The following DTNB variants were observed in gnomAD, a reference collection of about 807,000 sequenced individuals.
DTNB encodes dystrobrevin beta.
In DTNB, 63 loss-of-function variants were observed where a neutral mutation model predicts 90.7. That is an observed-to-expected ratio of 0.69 (90% CI 0.57 to 0.86). The LOEUF (loss-of-function observed/expected upper bound fraction) is 0.86, where lower values mean the gene tolerates loss of function less well. DTNB is among the 40% of genes least tolerant of loss of function. DTNB has a pLI of 0.00. For missense variants in DTNB, 744 were observed against 807.1 expected (o/e 0.92, Z 0.95); for synonymous variants, 277 against 286.7 (o/e 0.97, Z 0.34).
intron 8 of DTNB, among the ~76,000 whole-genome samples, chr2:25,544,951 A>G (rs558322083): frequency 6.6e-6 from 1 of 152,268 alleles, no homozygotes; most frequent in African/African-American, 2.4e-5. Context: ...TTTGAAAAAT[A>G]CCTTTATTTC....
chr2:25,481,830 T>C (rs1433448586), intron 10 of DTNB: 2 of 152,226 alleles, frequency 1.3e-5, no homozygotes, highest in Non-Finnish European at 2.9e-5. Flanking sequence ...GTCCCAGAAA[T>C]CTGTTTTCAA....
At chr2:25,550,348 G>A (rs928381127) in intron 8 of DTNB, among the ~76,000 whole-genome samples, 18 of 152,040 alleles carry the variant, frequency 1.2e-4, no homozygotes, top group Admixed American at 7.9e-4. Flanking sequence ...CCGAGATCGC[G>A]CCACTGCACT....
At chr2:25,468,145 G>A (rs2062131016) in intron 10 of DTNB, among the ~76,000 whole-genome samples, 2 of 152,142 alleles carry the variant, frequency 1.3e-5, no homozygotes, top group South Asian at 4.1e-4. Flanking sequence ...ACAACCATAA[G>A]TCTGTTTTGA....
At chr2:25,671,411 A>T (rs937254189) in intron 1 of DTNB, among the ~76,000 whole-genome samples, 3 of 152,236 alleles carry the variant, frequency 2.0e-5, no homozygotes, top group Non-Finnish European at 4.4e-5. Flanking sequence ...GAGAGCCTGG[A>T]ATAAGGCACC....
rs770445857 is a variant in DTNB, at chr2:25,424,823, G to A, written c.1554+2712C>T. 6.6e-6 allele frequency among the ~76,000 whole-genome samples: 1 copy of A among 151,926 alleles called. No homozygotes were observed. Among genetic ancestry groups the A allele is most frequent in the Non-Finnish European group, 1.5e-5 (1 of 67,960 alleles). On this transcript the variant is annotated intron_variant, in intron 15 of 20. Transcript: ENST00000406818. The surrounding 1 kb of genome is among the most constrained non-coding windows in gnomAD (Gnocchi z 4.1). ...GCTGGGATTATAGGCACGTGCCACC[G>A]TGCCCGGCTAATTTTTGTGTTTTTA...
At chr2:25,535,579 C>T (rs192184833) in intron 8 of DTNB, among the ~76,000 whole-genome samples, 5 of 123,812 alleles carry the variant, frequency 4.0e-5, no homozygotes, top group Non-Finnish European at 6.7e-5. Flanking sequence ...TGGGCGGCCA[C>T]GCAGAGATGC....
chr2:25,568,487 C>A (rs1023445789), intron 8 of DTNB, among the ~76,000 whole-genome samples: 47 of 151,710 alleles, frequency 3.1e-4, no homozygotes, highest in African/African-American at 1.0e-3. Flanking sequence ...TAAAAAAAAA[C>A]ACACACAATT....
chr2:25,437,505 G>C (rs1199106950), intron 12 of DTNB, among the ~76,000 whole-genome samples: 1 of 152,074 alleles, frequency 6.6e-6, no homozygotes, highest in African/African-American at 2.4e-5. Context: ...CAAGTGATCT[G>C]CTCACCTCGG....
At chr2:25,504,249 C>T (rs2071641385) in intron 9 of DTNB, among the ~76,000 whole-genome samples, 1 of 147,390 alleles carries the variant, frequency 6.8e-6, no homozygotes, top group Non-Finnish European at 1.5e-5. Flanking sequence ...GCCTGGGTGA[C>T]AGAGAGAAAG....
Position 25,481,173 on chromosome 2 carries a change from G to A in DTNB, c.1079+1623C>T, listed in dbSNP as rs193102296. 7.5e-4 allele frequency among the ~76,000 whole-genome samples: 114 copies of A among 152,054 alleles called. 1 individual carries two copies. The East Asian group carries it at 0.017, about 23-fold the overall frequency. Reference sequence around the variant, plus strand: ...AGCACTTTGGGAGTCTGAGGCAGTTGGATCACTTGAGATCAGGAGTTTGAG... The same window carrying A: ...AGCACTTTGGGAGTCTGAGGCAGTTAGATCACTTGAGATCAGGAGTTTGAG... On this transcript the variant is annotated intron_variant, in intron 10 of 20. Coordinates refer to ENST00000406818, the MANE Select transcript of DTNB (RefSeq NM_021907.5).
chr2:25,653,785 T>C (rs1468783170), intron 1 of DTNB, among the ~76,000 whole-genome samples: 3 of 152,136 alleles, frequency 2.0e-5, no homozygotes, highest in Non-Finnish European at 2.9e-5. Flanking sequence ...GTGCTGAGAT[T>C]ACAGGCATGA....
intron 18 of DTNB, among the ~76,000 whole-genome samples, chr2:25,384,706 G>T (rs2038967355): frequency 6.6e-6 from 1 of 152,160 alleles, no homozygotes; most frequent in Non-Finnish European, 1.5e-5. Flanking sequence ...AGCTTGAGAG[G>T]ACAGGGATAA....
At chr2:25,578,091 C>T (rs1160407417) in intron 7 of DTNB, among the ~76,000 whole-genome samples, 3 of 152,082 alleles carry the variant, frequency 2.0e-5, no homozygotes, top group African/African-American at 4.8e-5. Context: ...TATAAGACCA[C>T]AATCTTACTT....
rs5829985 is a variant in DTNB at position 25,672,203 on chromosome 2, CAAAAAAAAAAAAAA to C, written c.-2+1169_-2+1182del. Among the ~76,000 whole-genome samples the C allele has an allele frequency of 4.2e-3, 177 of 42,476 alleles. 5 individuals are homozygous for C. The highest frequency in any genetic ancestry group is 8.2e-3 in the African/African-American group (70 of 8,486). The allele number at this position is 42,476 out of a possible 152,430, so 27.9% of individuals were successfully genotyped here. A position where few individuals can be genotyped will look rare whatever the true frequency, so the allele number is the denominator to read the frequency against. On this transcript the variant is annotated intron_variant, in intron 1 of 20. Coordinates refer to ENST00000406818, the MANE Select transcript of DTNB (RefSeq NM_021907.5). ...TCAGAACCGGGGTTGCCTCGCATAG[CAAAAAAAAAAAAAA>C]AAAAAAAAAAAAAAAAAGAGGCAGA...
At chr2:25,661,638 C>G (rs1011603083) in intron 1 of DTNB, among the ~76,000 whole-genome samples, 1 of 152,104 alleles carries the variant, frequency 6.6e-6, no homozygotes, top group Non-Finnish European at 1.5e-5. Flanking sequence ...ATGACAGAAG[C>G]GTTTGCTCTA....
chr2:25,489,842 C>A (rs1481688236), intron 9 of DTNB, among the ~76,000 whole-genome samples: 2 of 151,980 alleles, frequency 1.3e-5, no homozygotes, highest in African/African-American at 4.8e-5. Context: ...AAATGTGACA[C>A]AGCAAAAATT....
Position 25,565,828 on chromosome 2 carries a change from T to C in DTNB, c.876+11010A>G, listed in dbSNP as rs577788771. ...CAAATTTGGTTTGCTAATATTACTT[T>C]TTTTAAAAAAACTAAGAGATTCAAG... On this transcript the variant is annotated intron_variant, in intron 8 of 20. Coordinates refer to ENST00000406818, the MANE Select transcript of DTNB (RefSeq NM_021907.5). 4.3e-4 allele frequency among the ~76,000 whole-genome samples: 66 copies of C among 152,304 alleles called. No homozygotes were observed. The South Asian group carries it at 0.013, about 30-fold the overall frequency.
chr2:25,418,119 G>T (rs965896899), intron 16 of DTNB, among the ~76,000 whole-genome samples: 7 of 152,194 alleles, frequency 4.6e-5, no homozygotes, highest in African/African-American at 1.7e-4. Flanking sequence ...TGTGAATAAA[G>T]AAAAAAGCAA....
intron 6 of DTNB, among the ~76,000 whole-genome samples, chr2:25,594,028 G>A (rs193080874): frequency 6.6e-6 from 1 of 152,294 alleles, no homozygotes; most frequent in Non-Finnish European, 1.5e-5. Context: ...ACCATGGAAG[G>A]TGATGATACC....
Sources: allele counts gnomAD v4.1 joint callset (sites outside exome capture counted in the v4.1 genomes callset), GRCh38; gene constraint gnomAD v4.1.1; non-coding constraint Gnocchi (gnomAD v3.1); transcripts MANE v1.5; gene names NCBI Gene and HGNC (gene_info 2026-07-23, HGNC 2026-07-21).